The following ACVR1 variants were observed in gnomAD, a reference collection of about 807,000 sequenced individuals.
ACVR1 encodes the protein activin A receptor type 1, also known as activin receptor type-1.
Under a neutral mutation model 57.1 loss-of-function variants are expected in ACVR1, and 38 were observed. That is an observed-to-expected ratio of 0.67 (90% CI 0.51 to 0.87). The LOEUF (loss-of-function observed/expected upper bound fraction) is 0.87, where lower values mean the gene tolerates loss of function less well. Among genes scored for constraint, ACVR1 ranks in the 40% least tolerant of loss-of-function variants. The pLI, the probability that ACVR1 is intolerant of heterozygous loss-of-function variation, is 0.00. For synonymous variants in ACVR1, 212 were observed against 228.1 expected (o/e 0.93, Z 0.63); for missense variants, 463 against 638.2 (o/e 0.73, Z 2.96).
chr2:157,856,138 GAAAAAA>G (rs998050007), intron 1 of ACVR1, among the ~76,000 whole-genome samples: 1 of 151,952 alleles, frequency 6.6e-6, no homozygotes, highest in Non-Finnish European at 1.5e-5. Flanking sequence ...AGTAGAGGTA[GAAAAAA>G]AGTGCTATAA....
intron 3 of ACVR1, among the ~76,000 whole-genome samples, chr2:157,783,024 G>A (rs1221367001): frequency 2.6e-5 from 4 of 152,114 alleles, no homozygotes; most frequent in African/African-American, 9.7e-5. Flanking sequence ...TACTCAGCTC[G>A]CTGAACGTAT....
chr2:157,857,749 T>C (rs1001962235), intron 1 of ACVR1, among the ~76,000 whole-genome samples: 5 of 152,296 alleles, frequency 3.3e-5, no homozygotes, highest in Non-Finnish European at 5.9e-5. Flanking sequence ...ATGACATTTA[T>C]AAGAATATCA....
At chr2:157,775,711 C>T (rs1158649609) in intron 5 of ACVR1, among the ~76,000 whole-genome samples, 1 of 152,188 alleles carries the variant, frequency 6.6e-6, no homozygotes, top group Non-Finnish European at 1.5e-5. Context: ...GCTCCTTATT[C>T]ATTCATTCTT....
intron 9 of ACVR1, among the ~76,000 whole-genome samples, chr2:157,743,045 A>G (rs1271168554): frequency 6.6e-6 from 1 of 152,090 alleles, no homozygotes; most frequent in East Asian, 1.9e-4. Context: ...TGTCCTTCAC[A>G]TACCTGGACA....
chr2:157,789,122 A>C (rs1574067078), intron 3 of ACVR1, among the ~76,000 whole-genome samples: 1 of 152,256 alleles, frequency 6.6e-6, no homozygotes. Context: ...AAGATCTTAC[A>C]GTCACAATGA....
intron 1 of ACVR1, among the ~76,000 whole-genome samples, chr2:157,856,577 C>T (rs796438523): frequency 9.9e-5 from 15 of 152,230 alleles, no homozygotes; most frequent in Non-Finnish European, 1.9e-4. Flanking sequence ...TGGTGTGCCC[C>T]GTGGTGGTTA....
At chr2:157,780,663 C>G (rs958246997) in intron 3 of ACVR1, 63 bp from the exon 4 acceptor site, 1 of 1,580,994 alleles carries the variant, frequency 6.3e-7, no homozygotes, top group African/African-American at 1.3e-5. Context: ...TGAGTTTCAC[C>G]TTCATTGAGG....
intron 2 of ACVR1, among the ~76,000 whole-genome samples, chr2:157,816,572 A>C (rs1687945258): frequency 6.6e-6 from 1 of 151,974 alleles, no homozygotes; most frequent in Admixed American, 6.6e-5. Flanking sequence ...TCTCCAGCCT[A>C]GGCAACAGAG....
chr2:157,842,815 T>C (rs1278708455), intron 1 of ACVR1, among the ~76,000 whole-genome samples: 1 of 152,180 alleles, frequency 6.6e-6, no homozygotes, highest in Non-Finnish European at 1.5e-5. Context: ...TCTAAAATAT[T>C]AACTCTGGGC....
rs1357821752 is a variant in ACVR1 at position 157,774,276 on chromosome 2, T to G, written c.544-89A>C. 3.8e-6 allele frequency: 4 copies of G among 1,045,086 alleles called. No homozygotes were observed. The Admixed American group carries it at 5.2e-5, about 14-fold the overall frequency. 64.7% of individuals were successfully genotyped at this position (1,045,086 alleles called of 1,614,324 possible). ...AGCATGCATGACATTGTAACTCACA[T>G]GAAGGGCAGCAATCCGGGACACGTG... On this transcript the variant is annotated intron_variant, in intron 5 of 10. Transcript: ENST00000434821.
intron 1 of ACVR1, among the ~76,000 whole-genome samples, chr2:157,858,711 G>A (rs1184721680): frequency 6.6e-6 from 1 of 152,120 alleles, no homozygotes; most frequent in East Asian, 1.9e-4. Flanking sequence ...TTGAACTCCT[G>A]ACCCCAGGTG....
At chr2:157,772,308 T>C (rs1686100038) in intron 6 of ACVR1, among the ~76,000 whole-genome samples, 1 of 152,168 alleles carries the variant, frequency 6.6e-6, no homozygotes, top group African/African-American at 2.4e-5. Flanking sequence ...TCACTGATCG[T>C]CATCCAGAAA....
In ACVR1 at chr2:157,828,274, C is replaced by T. The variant is rs561076603; in HGVS notation, c.-182-9715G>A. Among the ~76,000 whole-genome samples the T allele has an allele frequency of 7.2e-5, 11 of 152,022 alleles. No homozygotes were observed. In the South Asian group the frequency reaches 1.9e-3, roughly 26 times the overall value. On this transcript the variant is annotated intron_variant, in intron 1 of 10. Transcript: ENST00000434821. ...ACCAGCCTGGCCAACATGGTGAAACCCCGTCTCTACAAAAATACAAAAAAA... is the reference window on the plus strand; with the variant it reads ...ACCAGCCTGGCCAACATGGTGAAACTCCGTCTCTACAAAAATACAAAAAAA...
chr2:157,768,834 C>T (rs1422020533), intron 7 of ACVR1, among the ~76,000 whole-genome samples: 2 of 152,152 alleles, frequency 1.3e-5, no homozygotes, highest in African/African-American at 4.8e-5. Flanking sequence ...TACCTATTCT[C>T]TTATGGTCAT....
chr2:157,813,068 G>A (rs1300734203), intron 2 of ACVR1, among the ~76,000 whole-genome samples: 1 of 152,080 alleles, frequency 6.6e-6, no homozygotes, highest in Non-Finnish European at 1.5e-5. Context: ...CTTCATGGGG[G>A]GAGAGGGTGG....
chr2:157,873,893 T>A (rs1448225594), intron 1 of ACVR1, among the ~76,000 whole-genome samples: 2 of 152,234 alleles, frequency 1.3e-5, no homozygotes, highest in African/African-American at 4.8e-5. Flanking sequence ...ATACATTACA[T>A]TCCTGAATAT....
intron 1 of ACVR1, among the ~76,000 whole-genome samples, chr2:157,837,485 A>T (rs1358224672): frequency 6.6e-6 from 1 of 152,238 alleles, no homozygotes; most frequent in Admixed American, 6.5e-5. Context: ...ATGCTTTTTT[A>T]AAAAAAACTT....
At chr2:157,751,824 T>A (rs1208458761) in intron 9 of ACVR1, among the ~76,000 whole-genome samples, 1 of 152,190 alleles carries the variant, frequency 6.6e-6, no homozygotes, top group Non-Finnish European at 1.5e-5. Context: ...GTCTGAGCTC[T>A]GTCACGCCTA....
At chr2:157,869,340 A>G (rs962061109) in intron 1 of ACVR1, among the ~76,000 whole-genome samples, 4 of 152,236 alleles carry the variant, frequency 2.6e-5, no homozygotes, top group Admixed American at 6.5e-5. Context: ...ACACAAAAAG[A>G]AAACGAAAGT....
Sources: gnomAD v4.1 joint callset for allele counts (sites outside exome capture counted in the v4.1 genomes callset) on GRCh38, gnomAD v4.1.1 for gene constraint, MANE v1.5 for transcripts, NCBI Gene and HGNC (gene_info 2026-07-23, HGNC 2026-07-21) for gene names.